The following TMEM63B variants were observed in gnomAD, a reference collection of about 807,000 sequenced individuals.
TMEM63B encodes the protein transmembrane protein 63B.
A neutral mutation model predicts 102.6 loss-of-function variants in TMEM63B; 23 were observed. The ratio of observed to expected loss-of-function variants is 0.22; its 90% CI spans 0.16 to 0.32. The LOEUF (loss-of-function observed/expected upper bound fraction) is 0.32, where lower values mean the gene tolerates loss of function less well. Ranked by LOEUF, TMEM63B falls within the 10% of genes least tolerant of loss-of-function variation. The pLI, the probability that TMEM63B is intolerant of heterozygous loss-of-function variation, is 1.00. For missense variants in TMEM63B, 628 were observed against 1,095.9 expected (o/e 0.57, Z 6.03); for synonymous variants, 444 against 437.0 (o/e 1.02, Z -0.20).
At chr6:44,140,974 C>G (rs1264671681) in intron 9 of TMEM63B, 54 bp from the exon 10 acceptor site, 1 of 1,547,002 alleles carries the variant, frequency 6.5e-7, no homozygotes. Flanking sequence ...CTCACATCCC[C>G]TGGCTCCACT....
intron 4 of TMEM63B, among the ~76,000 whole-genome samples, chr6:44,135,923 C>T (rs1034421601): frequency 1.3e-5 from 2 of 152,020 alleles, no homozygotes; most frequent in Non-Finnish European, 2.9e-5. Context: ...ACCCAGGAGA[C>T]CTTCCAGTCT....
At chr6:44,137,562 TC>T (rs1389673847) in intron 5 of TMEM63B, among the ~76,000 whole-genome samples, 1 of 152,236 alleles carries the variant, frequency 6.6e-6, no homozygotes, top group Non-Finnish European at 1.5e-5. Context: ...AAGGCACCTT[TC>T]TACCCCATCC....
Position 44,135,088 on chromosome 6 carries a change from T to G in TMEM63B, c.231T>G (p.Asp77Glu). 6.2e-7 allele frequency: 1 copy of G among 1,614,242 alleles called. No individual in the cohort carries two copies. Among genetic ancestry groups the G allele is most frequent in the South Asian group, 1.1e-5 (1 of 91,086 alleles). Residue 77 changes from aspartate to glutamate, a missense_variant, in exon 3 of 24, where the codon GAT (aspartate) becomes GAG (glutamate). Physicochemically the swap from Asp to Glu is conservative, Grantham distance 45. Transcript: ENST00000323267. Reference protein sequence around the residue: ...WDYGRLALVTDADRLRRQERD... With the variant: ...WDYGRLALVTEADRLRRQERD... ...ATGGGCGGCTGGCCTTGGTGACAGA[T>G]GCAGACAGGTAAGGGTCTGGGACCC...
chr6:44,148,961 CCT>C lies in TMEM63B; in HGVS notation c.1413+17_1413+18del. The C allele has an allele frequency of 6.2e-7, 1 of 1,614,070 alleles. No individual in the cohort carries two copies. Among genetic ancestry groups the C allele is most frequent in the Non-Finnish European group, 8.5e-7 (1 of 1,180,008 alleles). ...GTACCTCAACGTGAGGCCTCATGCCCCTGTCACTTTCCACGCTGGGTCACAAC... is the reference window on the plus strand; with the variant it reads ...GTACCTCAACGTGAGGCCTCATGCCCGTCACTTTCCACGCTGGGTCACAAC... On this transcript the variant is annotated intron_variant, in intron 15 of 23. Transcript: ENST00000323267. The surrounding 1 kb of genome is among the most constrained non-coding windows in gnomAD (Gnocchi z 5.1).
intron 8 of TMEM63B, 142 bp from the exon 9 acceptor site, chr6:44,140,110 C>T: frequency 1.5e-6 from 1 of 679,394 alleles, no homozygotes; most frequent in Non-Finnish European, 2.5e-6. Context: ...GTGGGCCTGC[C>T]TTGCGAGGAG....
At chr6:44,137,062 G>T (rs1763118760) in intron 5 of TMEM63B, among the ~76,000 whole-genome samples, 1 of 152,152 alleles carries the variant, frequency 6.6e-6, no homozygotes, top group African/African-American at 2.4e-5. Context: ...ACAAAAAAAA[G>T]AAATAATAAG....
At chr6:44,147,283 G>T in intron 11 of TMEM63B, 94 bp from the exon 12 acceptor site, 1 of 1,590,854 alleles carries the variant, frequency 6.3e-7, no homozygotes. Flanking sequence ...ACAAGAACAA[G>T]ACAGCTCCTG....
chr6:44,154,759 C>T lies in TMEM63B; in HGVS notation c.2375C>T (p.Ser792Leu). Reference sequence around the variant, plus strand: ...GATGGGGATGGGGCTCCTGGGAGCTCAGGGGATGAGCCCCCATCATCCTCA... The same window carrying T: ...GATGGGGATGGGGCTCCTGGGAGCTTAGGGGATGAGCCCCCATCATCCTCA... ...DGDGDGAPGS[S>L]GDEPPSSSSQ... The change falls in exon 24 of 24, where the codon TCA becomes TTA. Residue 792 changes from serine (S) to leucine (L), a missense_variant. Ser to Leu is a moderately radical substitution (Grantham distance 145). Around this residue, in one of 6 missense-constraint regions of TMEM63B, gnomAD observed 129 missense variants for 153.5 expected, o/e 0.84. Coordinates refer to ENST00000323267, the MANE Select transcript of TMEM63B (RefSeq NM_018426.3). 1 of 1,605,262 alleles carries T rather than the reference C, an allele frequency of 6.2e-7. No individual in the cohort carries two copies. Among genetic ancestry groups the T allele is most frequent in the African/African-American group, 1.3e-5 (1 of 74,644 alleles).
At chr6:44,147,580 A>G in intron 12 of TMEM63B, 80 bp downstream of exon 12, 1 of 1,551,638 alleles carries the variant, frequency 6.4e-7, no homozygotes, top group Admixed American at 1.9e-5. Flanking sequence ...GCCCTCAGTG[A>G]GTCCCCACCT....
chr6:44,153,049 A>C (rs1419623637), intron 20 of TMEM63B, among the ~76,000 whole-genome samples: 1 of 152,232 alleles, frequency 6.6e-6, no homozygotes, highest in Non-Finnish European at 1.5e-5. Context: ...ATCCATGTGC[A>C]CACTTTTACA....
chr6:44,153,123 G>A (rs1329415488), intron 20 of TMEM63B, among the ~76,000 whole-genome samples: 1 of 152,252 alleles, frequency 6.6e-6, no homozygotes, highest in African/African-American at 2.4e-5. Context: ...CACTCATGGA[G>A]ATAGTCTGCT....
At position 44,154,775 on chromosome 6, in the gene TMEM63B, A is replaced by G. The variant is rs928074523; in HGVS notation, c.2391A>G (p.Pro797=). ...GAPGSSGDEP[P]SSSSQDEELL... ...CTGGGAGCTCAGGGGATGAGCCCCC[A>G]TCATCCTCATCCCAAGATGAGGAGT... is the stretch of plus-strand genomic sequence containing the variant. Residue 797 remains proline (P), a synonymous_variant, in exon 24 of 24, where the codon CCA becomes CCG. Coordinates refer to ENST00000323267, the MANE Select transcript of TMEM63B (RefSeq NM_018426.3). The G allele has an allele frequency of 3.7e-6, 6 of 1,609,404 alleles. No individual in the cohort carries two copies. The highest frequency in any genetic ancestry group is 2.7e-5 in the African/African-American group (2 of 74,722).
chr6:44,143,562 T>G (rs1764726563), intron 10 of TMEM63B, among the ~76,000 whole-genome samples: 2 of 124,428 alleles, frequency 1.6e-5, no homozygotes, highest in Non-Finnish European at 3.5e-5. Context: ...TGAAATCTGG[T>G]GTTTGTTGTT....
Position 44,139,491 on chromosome 6 carries a change from TG to T in TMEM63B, c.437del (p.Gly146AlafsTer25). 1 of 1,614,046 alleles carries T rather than the reference TG, an allele frequency of 6.2e-7. No homozygotes were observed. The highest frequency in any genetic ancestry group is 8.5e-7 in the Non-Finnish European group (1 of 1,179,996). On this transcript the variant is annotated frameshift_variant, in exon 7 of 24. Coordinates refer to ENST00000323267, the MANE Select transcript of TMEM63B (RefSeq NM_018426.3). LOFTEE classifies it high-confidence loss of function. ...IKDDEIRDKC[G>X]GDAVHYLSFQ... Reference sequence around the variant, plus strand: ...GGGATGATGAGATCCGGGACAAATGTGGGGGCGATGCCGTGCACTACCTGTC... The same window carrying T: ...GGGATGATGAGATCCGGGACAAATGTGGGGCGATGCCGTGCACTACCTGTC...
intron 1 of TMEM63B, among the ~76,000 whole-genome samples, chr6:44,131,892 A>T (rs1778357035): frequency 6.6e-6 from 1 of 152,220 alleles, no homozygotes; most frequent in Non-Finnish European, 1.5e-5. Flanking sequence ...AGAAACTGGG[A>T]TATAGCTGGT....
Position 44,147,407 on chromosome 6 carries a change from C to G in TMEM63B, c.894C>G (p.Phe298Leu). ...RKKAERGKLY[F>L]TNLQSKENVP... Reference sequence around the variant, plus strand: ...AGGCCGAGCGGGGAAAGCTGTACTTCACAAACCTCCAGAGCAAGGAGAACG... The same window carrying G: ...AGGCCGAGCGGGGAAAGCTGTACTTGACAAACCTCCAGAGCAAGGAGAACG... The change falls in exon 12 of 24, where the codon TTC (phenylalanine) becomes TTG (leucine). Residue 298 changes from phenylalanine to leucine, a missense_variant. By Grantham distance (22) the Phe-to-Leu change is conservative (BLOSUM62 0). Around this residue, in one of 6 missense-constraint regions of TMEM63B, gnomAD observed 336 missense variants for 580.3 expected, o/e 0.58. Coordinates refer to ENST00000323267, the MANE Select transcript of TMEM63B (RefSeq NM_018426.3). 2 of 1,614,210 alleles carry G rather than the reference C, an allele frequency of 1.2e-6. No individual in the cohort carries two copies. Among genetic ancestry groups the G allele is most frequent in the Non-Finnish European group, 1.7e-6 (2 of 1,180,038 alleles).
In TMEM63B at chr6:44,135,333, G is replaced by C. The variant is rs371238478; in HGVS notation, c.245G>C (p.Arg82Pro). The change falls in exon 4 of 24, where the codon CGG (arginine) becomes CCG (proline). Residue 82 changes from arginine (R) to proline (P), a missense_variant. By Grantham distance (103) the Arg-to-Pro change is moderately radical. This residue lies in a region of TMEM63B where 336 missense variants were observed against 580.3 expected (regional missense o/e 0.58). Coordinates refer to ENST00000323267, the MANE Select transcript of TMEM63B (RefSeq NM_018426.3). Reference sequence around the variant, plus strand: ...TGTCTGTTCTCTGTCCCCAGGCTTCGGCGGCAGGAGAGGGACCGAGTGGAA... The same window carrying C: ...TGTCTGTTCTCTGTCCCCAGGCTTCCGCGGCAGGAGAGGGACCGAGTGGAA... ...LALVTDADRL[R>P]RQERDRVEQE... The C allele has an allele frequency of 9.5e-4, 1,535 of 1,612,858 alleles. 20 individuals are homozygous for C. The South Asian group carries it at 0.016, about 17-fold the overall frequency.
At position 44,150,199 on chromosome 6, in the gene TMEM63B, C is replaced by A. The variant is rs757949491; in HGVS notation, c.1521-25C>A. 6.2e-7 allele frequency: 1 copy of A among 1,606,186 alleles called. No individual in the cohort carries two copies. The highest frequency in any genetic ancestry group is 8.5e-7 in the Non-Finnish European group (1 of 1,173,930). ...GGGGCCTGGGCTCACTTGACCTGTA[C>A]CGTTCCCTGCTCCCCTCCCTCCAGC... On this transcript the variant is annotated intron_variant, in intron 16 of 23. Transcript: ENST00000323267. This position sits in a 1 kb window ranked among gnomAD's most constrained non-coding sequence, Gnocchi z 4.7.
In TMEM63B at chr6:44,134,753, T is replaced by A. The variant is rs759322939; in HGVS notation, c.159+10T>A. Reference sequence around the variant, plus strand: ...CTTCATGTGCTTCCTTGTAAGTGCCTGCTGCCACCCCTTACCTTGGCATCC... The same window carrying A: ...CTTCATGTGCTTCCTTGTAAGTGCCAGCTGCCACCCCTTACCTTGGCATCC... On this transcript the variant is annotated intron_variant, in intron 2 of 23. Coordinates refer to ENST00000323267, the MANE Select transcript of TMEM63B (RefSeq NM_018426.3). 2.5e-6 allele frequency: 4 copies of A among 1,610,120 alleles called. No individual in the cohort carries two copies. The highest frequency in any genetic ancestry group is 1.7e-4 in the Middle Eastern group (1 of 6,050).
Sources: allele counts gnomAD v4.1 joint callset (sites outside exome capture counted in the v4.1 genomes callset), GRCh38; gene constraint gnomAD v4.1.1; regional missense constraint gnomAD v4.1.1; non-coding constraint Gnocchi (gnomAD v3.1); transcripts MANE v1.5; gene names NCBI Gene and HGNC (gene_info 2026-07-23, HGNC 2026-07-21).